The following RPAIN variants were observed in gnomAD, a reference collection of about 807,000 sequenced individuals.
RPAIN encodes RPA interacting protein.
RPAIN carries 29 observed loss-of-function variants against 30.5 expected under a neutral mutation model. The ratio of observed to expected loss-of-function variants is 0.95; its 90% CI spans 0.71 to 1.30. The LOEUF is 1.30. RPAIN is among the 50% of genes most tolerant of loss of function. RPAIN has a pLI of 0.00. For synonymous variants in RPAIN, 101 were observed against 93.5 expected, an observed-to-expected ratio of 1.08 and a Z score of -0.46; for missense variants, 247 against 264.7, an observed-to-expected ratio of 0.93 and a Z score of 0.46.
At position 5,421,604 on chromosome 17, in the gene RPAIN, AG is replaced by A. The variant is rs1914846473; in HGVS notation, c.252+140del. On this transcript the variant is annotated intron_variant, in intron 2 of 6. Transcript: ENST00000381209. ...TTTAGAATTCAACAGCCTTTAACCC[AG>A]GCTTTTCTACACTTAATGTTAGACT... is the stretch of plus-strand genomic sequence containing the variant. 43 of 682,738 alleles carry A rather than the reference AG, an allele frequency of 6.3e-5. 1 individual carries two copies. In the South Asian group the frequency reaches 1.0e-3, roughly 16 times the overall value. The allele number at this position is 682,738 out of a possible 1,614,324, so 42.3% of individuals were successfully genotyped here. A position where few individuals can be genotyped will look rare whatever the true frequency, so the allele number is the denominator to read the frequency against.
At chr17:5,429,394 A>C in intron 6 of RPAIN, 3 of 985,460 alleles carry the variant, frequency 3.0e-6, no homozygotes, top group Non-Finnish European at 3.6e-6. Flanking sequence ...TGTTCTACTT[A>C]GCTGGAGCAT....
intron 2 of RPAIN, 27 bp from the exon 3 acceptor site, chr17:5,422,742 T>A (rs764016338): frequency 6.2e-7 from 1 of 1,610,306 alleles, no homozygotes; most frequent in African/African-American, 1.3e-5. Context: ...TACTTCAAAC[T>A]TCTGATGCCG....
chr17:5,420,192 T>A lies in RPAIN; in HGVS notation c.-19T>A. Reference sequence around the variant, plus strand: ...CTCCAGGGAACGGGTCTTGTGGCTTTGTCTCCCGCGAAGAGGAGATGGCGG... The same window carrying A: ...CTCCAGGGAACGGGTCTTGTGGCTTAGTCTCCCGCGAAGAGGAGATGGCGG... On this transcript the variant is annotated 5_prime_UTR_variant, in exon 1 of 7. Transcript: ENST00000381209. The A allele has an allele frequency of 6.2e-7, 1 of 1,613,130 alleles. No individual in the cohort carries two copies. Among genetic ancestry groups the A allele is most frequent in the Non-Finnish European group, 8.5e-7 (1 of 1,179,694 alleles).
In RPAIN at chr17:5,428,357, G is replaced by A. The variant is rs913158784; in HGVS notation, c.630+146G>A. The A allele has an allele frequency of 3.3e-6, 5 of 1,526,238 alleles. No individual in the cohort carries two copies. The African/African-American group carries it at 4.2e-5, about 13-fold the overall frequency. 94.5% of individuals were successfully genotyped at this position (1,526,238 alleles called of 1,614,324 possible). A position where few individuals can be genotyped will look rare whatever the true frequency, so the allele number is the denominator to read the frequency against. ...AATTTACCTGCATAGAAAAGTGAAG[G>A]TAACAAGTCATTTAGACTCAAAGGC... On this transcript the variant is annotated intron_variant, in intron 6 of 6. Transcript: ENST00000381209.
At chr17:5,427,327 G>C (rs1235720750) in intron 5 of RPAIN, 2 of 152,056 alleles carry the variant, frequency 1.3e-5, no homozygotes, top group African/African-American at 2.4e-5. Context: ...GTAGAGACGG[G>C]GTTTCACCAT....
In RPAIN at chr17:5,421,401, G is replaced by A. The variant is rs1226197497; in HGVS notation, c.187G>A (p.Glu63Lys). ...TTCTCAGAACAGCTTTCTAGTTCAA[G>A]AGGTGATGGAAGAAGAGTGGAATGC... The part of the protein sequence containing the change: ...GNSQNSFLVQ[E>K]VMEEEWNALQ... The change falls in exon 2 of 7, where the codon GAG (glutamate) becomes AAG (lysine). Residue 63 changes from glutamate to lysine, a missense_variant. Transcript: ENST00000381209. 6.2e-7 allele frequency: 1 copy of A among 1,614,158 alleles called. No homozygotes were observed. Among genetic ancestry groups the A allele is most frequent in the East Asian group, 2.2e-5 (1 of 44,880 alleles).
At position 5,431,987 on chromosome 17, in the gene RPAIN, T is replaced by C. The variant is rs547175127; in HGVS notation, c.631-555T>C. 48 of 274,842 alleles carry C rather than the reference T, an allele frequency of 1.7e-4. No homozygotes were observed. The South Asian group carries it at 1.8e-3, about 10-fold the overall frequency. The allele number at this position is 274,842 out of a possible 1,614,324, so 17.0% of individuals were successfully genotyped here. On this transcript the variant is annotated intron_variant, in intron 6 of 6. Transcript: ENST00000381209. Reference sequence around the variant, plus strand: ...TTTTCACACAAAAAAATTTGCAACCTCTGGCATAAATGGGTTAAGGACAGA... The same window carrying C: ...TTTTCACACAAAAAAATTTGCAACCCCTGGCATAAATGGGTTAAGGACAGA...
At chr17:5,429,433 G>C (rs971223111) in intron 6 of RPAIN, 3 of 985,286 alleles carry the variant, frequency 3.0e-6, no homozygotes, top group Non-Finnish European at 2.4e-6. Context: ...GATAGTTCCT[G>C]TTAGGAATAG....
Position 5,429,500 on chromosome 17 carries a change from T to A in RPAIN, c.630+1289T>A, listed in dbSNP as rs975605538. ...CCAAAATTTTACTACTAATAAGCGATAGAGCTGGTGTTAGACCCCAGGTCT... is the reference window on the plus strand; with the variant it reads ...CCAAAATTTTACTACTAATAAGCGAAAGAGCTGGTGTTAGACCCCAGGTCT... On this transcript the variant is annotated intron_variant, in intron 6 of 6. Coordinates refer to ENST00000381209, the MANE Select transcript of RPAIN (RefSeq NM_001033002.4). 4 of 984,014 alleles carry A rather than the reference T, an allele frequency of 4.1e-6. No homozygotes were observed. The African/African-American group carries it at 7.0e-5, about 17-fold the overall frequency. 61.0% of individuals were successfully genotyped at this position (984,014 alleles called of 1,614,324 possible). A position where few individuals can be genotyped will look rare whatever the true frequency, so the allele number is the denominator to read the frequency against.
Position 5,428,409 on chromosome 17 carries a change from A to G in RPAIN, c.630+198A>G, listed in dbSNP as rs1052630692. Reference sequence around the variant, plus strand: ...AGTCAGAAAGAAGGGAAGAGGCAGCATGGGATCACGGCAAGAGGATTGGTC... The same window carrying G: ...AGTCAGAAAGAAGGGAAGAGGCAGCGTGGGATCACGGCAAGAGGATTGGTC... On this transcript the variant is annotated intron_variant, in intron 6 of 6. Coordinates refer to ENST00000381209, the MANE Select transcript of RPAIN (RefSeq NM_001033002.4). 23 of 1,471,712 alleles carry G rather than the reference A, an allele frequency of 1.6e-5. No homozygotes were observed. The Admixed American group carries it at 2.1e-4, about 13-fold the overall frequency. The allele number at this position is 1,471,712 out of a possible 1,614,324, so 91.2% of individuals were successfully genotyped here. A position where few individuals can be genotyped will look rare whatever the true frequency, so the allele number is the denominator to read the frequency against.
chr17:5,422,270 C>A (rs1269677948), intron 2 of RPAIN, among the ~76,000 whole-genome samples: 1 of 152,174 alleles, frequency 6.6e-6, no homozygotes, highest in Non-Finnish European at 1.5e-5. Context: ...ATGTTTTCAG[C>A]ATTGTAAGGA....
At chr17:5,422,962 G>T in intron 3 of RPAIN, 133 bp downstream of exon 3, 2 of 671,408 alleles carry the variant, frequency 3.0e-6, no homozygotes. Flanking sequence ...GACTCCTTTT[G>T]TACTCTGACA....
chr17:5,420,387 C>T, intron 1 of RPAIN, 96 bp downstream of exon 1: 14 of 1,053,464 alleles, frequency 1.3e-5, no homozygotes, highest in East Asian at 2.5e-5. Context: ...GGAGCAGGTG[C>T]CGCAGCGCGC....
chr17:5,429,826 C>A, intron 6 of RPAIN: 2 of 929,406 alleles, frequency 2.2e-6, no homozygotes, highest in Non-Finnish European at 2.6e-6. Flanking sequence ...ATTTACCAAG[C>A]ACTACAATAT....
rs1469239759 is a variant in RPAIN at position 5,420,300 on chromosome 17, G to A, written c.81+9G>A. The A allele has an allele frequency of 1.2e-6, 2 of 1,612,242 alleles. No homozygotes were observed. The highest frequency in any genetic ancestry group is 1.7e-6 in the Non-Finnish European group (2 of 1,179,156). ...AAGAGGCTTTCCGGCAGGTGGGTAT[G>A]GGGTTTGTGCAGTGGTCTACCCTAG... On this transcript the variant is annotated intron_variant, in intron 1 of 6. Coordinates refer to ENST00000381209, the MANE Select transcript of RPAIN (RefSeq NM_001033002.4).
chr17:5,425,427 CTGGGTT>C, intron 3 of RPAIN: 1 of 438,998 alleles, frequency 2.3e-6, no homozygotes, highest in South Asian at 1.7e-5. Context: ...CCTCCGCCTC[CTGGGTT>C]CAAGTGATTC....
chr17:5,429,734 A>T, intron 6 of RPAIN: 2 of 985,470 alleles, frequency 2.0e-6, no homozygotes, highest in Non-Finnish European at 2.4e-6. Flanking sequence ...CAGTGCTTTC[A>T]GGCCTCTGTG....
rs1327806165 is a variant in RPAIN, at chr17:5,421,167, CTAGT to C, written c.82-124_82-121del. ...TACAGAGGAATATGCAAAAGTAACACTAGTTAGTATTATCATTGAAATTTTGTGT... is the reference window on the plus strand; with the variant it reads ...TACAGAGGAATATGCAAAAGTAACACTAGTATTATCATTGAAATTTTGTGT... On this transcript the variant is annotated intron_variant, in intron 1 of 6. Transcript: ENST00000381209. 1.7e-5 allele frequency: 14 copies of C among 823,168 alleles called. No homozygotes were observed. In the Admixed American group the frequency reaches 4.2e-4, roughly 24 times the overall value. The allele number at this position is 823,168 out of a possible 1,614,324, so 51.0% of individuals were successfully genotyped here.
At chr17:5,426,575 C>A in intron 5 of RPAIN, 2 of 363,944 alleles carry the variant, frequency 5.5e-6, no homozygotes, top group Non-Finnish European at 5.0e-6. Flanking sequence ...ACGCCTGTAT[C>A]TGACGTTTCA....
Sources: gnomAD v4.1 joint callset for allele counts (sites outside exome capture counted in the v4.1 genomes callset) on GRCh38, gnomAD v4.1.1 for gene constraint, MANE v1.5 for transcripts, NCBI Gene and HGNC (gene_info 2026-07-23, HGNC 2026-07-21) for gene names.